The following PAPSS2 variants were observed in gnomAD, a reference collection of about 807,000 sequenced individuals.
PAPSS2 encodes the protein 3'-phosphoadenosine 5'-phosphosulfate synthase 2, also known as bifunctional 3'-phosphoadenosine 5'-phosphosulfate synthase 2.
PAPSS2 carries 61 observed loss-of-function variants against 66.5 expected under a neutral mutation model. The ratio of observed to expected loss-of-function variants is 0.92; its 90% CI spans 0.75 to 1.14. The LOEUF (loss-of-function observed/expected upper bound fraction) is 1.14, where lower values mean the gene tolerates loss of function less well. Among genes scored for constraint, PAPSS2 ranks in the 50% most tolerant of loss-of-function variants. The pLI, the probability that PAPSS2 is intolerant of heterozygous loss-of-function variation, is 0.00. For synonymous variants in PAPSS2, 289 were observed against 287.5 expected (o/e 1.01, Z -0.05); for missense variants, 708 against 789.6 (o/e 0.90, Z 1.24).
intron 12 of PAPSS2, among the ~76,000 whole-genome samples, 198 bp from the exon 13 acceptor site, chr10:87,745,634 T>C (rs895545796): frequency 6.6e-6 from 1 of 152,200 alleles, no homozygotes; most frequent in Non-Finnish European, 1.5e-5. Flanking sequence ...TATAGGCGCA[T>C]GGCAAATACT....
chr10:87,743,421 C>T lies in PAPSS2; in HGVS notation c.1271C>T (p.Ala424Val). 1 of 1,614,068 alleles carries T rather than the reference C, an allele frequency of 6.2e-7. No individual in the cohort carries two copies. Among genetic ancestry groups the T allele is most frequent in the Non-Finnish European group, 8.5e-7 (1 of 1,179,968 alleles). The change falls in exon 11 of 13, where the codon GCC becomes GTC. Residue 424 changes from alanine to valine, a missense_variant. Physicochemically the swap from Ala to Val is moderately conservative, Grantham distance 64 (BLOSUM62 0). Coordinates refer to ENST00000456849, the MANE Select transcript of PAPSS2 (RefSeq NM_001015880.2). ...CGCAATCCTGTCCACAATGGCCATG[C>T]CCTGTTGATGCAGGACACTCGCCGC... is the stretch of plus-strand genomic sequence containing the variant. ...QLRNPVHNGH[A>V]LLMQDTRRRL... is the part of the protein sequence containing the mutation.
intron 1 of PAPSS2, among the ~76,000 whole-genome samples, chr10:87,702,827 A>G (rs1853334391): frequency 6.6e-6 from 1 of 152,030 alleles, no homozygotes. Flanking sequence ...CCTCCCTTCC[A>G]TGACACTCCT....
At chr10:87,671,781 A>AAAATAC (rs1355331857) in intron 1 of PAPSS2, among the ~76,000 whole-genome samples, 1 of 152,224 alleles carries the variant, frequency 6.6e-6, no homozygotes, top group African/African-American at 2.4e-5. Flanking sequence ...AAATATAAAG[A>AAAATAC]AAATACAGAT....
At chr10:87,696,655 T>A (rs1853238507) in intron 1 of PAPSS2, among the ~76,000 whole-genome samples, 1 of 152,208 alleles carries the variant, frequency 6.6e-6, no homozygotes, top group Non-Finnish European at 1.5e-5. Flanking sequence ...CTCATATAAC[T>A]CCAAGCAATT....
At chr10:87,720,976 T>G (rs1853592250) in intron 7 of PAPSS2, among the ~76,000 whole-genome samples, 1 of 152,246 alleles carries the variant, frequency 6.6e-6, no homozygotes, top group African/African-American at 2.4e-5. Flanking sequence ...GGCATCCAAG[T>G]AGGATCAAGA....
At chr10:87,705,041 T>G (rs1283148233) in intron 1 of PAPSS2, among the ~76,000 whole-genome samples, 4 of 152,230 alleles carry the variant, frequency 2.6e-5, no homozygotes, top group Admixed American at 2.6e-4. Context: ...TGAGTTCTAA[T>G]AAATGTATAC....
intron 4 of PAPSS2, 151 bp downstream of exon 4, chr10:87,714,333 G>A (rs1319412549): frequency 1.2e-5 from 10 of 812,926 alleles, no homozygotes; most frequent in Non-Finnish European, 2.1e-5. Context: ...GATATATTCA[G>A]TATGCCCAGA....
intron 1 of PAPSS2, among the ~76,000 whole-genome samples, chr10:87,678,895 A>G (rs894416236): frequency 6.6e-6 from 1 of 152,208 alleles, no homozygotes; most frequent in African/African-American, 2.4e-5. Flanking sequence ...CTAAAAACAG[A>G]ACTATGATAC....
intron 1 of PAPSS2, among the ~76,000 whole-genome samples, chr10:87,685,449 G>A (rs115385891): frequency 0.014 from 2,136 of 152,246 alleles, 70 homozygotes; most frequent in African/African-American, 0.048. Context: ...TGGCACTTAC[G>A]GAGGACAAGG....
intron 10 of PAPSS2, among the ~76,000 whole-genome samples, chr10:87,742,394 G>A (rs1043562815): frequency 6.6e-6 from 1 of 152,132 alleles, no homozygotes; most frequent in Non-Finnish European, 1.5e-5. Context: ...TACCTCTTGG[G>A]GATGGAGTTT....
chr10:87,725,226 AC>A (rs1327442680), intron 8 of PAPSS2, among the ~76,000 whole-genome samples: 1 of 152,174 alleles, frequency 6.6e-6, no homozygotes, highest in African/African-American at 2.4e-5. Flanking sequence ...TATAACATCA[AC>A]CATCACAGTT....
chr10:87,701,323 CCTTCCTTTCTTTCTTTCTTTCTTTCTTT>C lies in PAPSS2; in HGVS notation c.28-7869_28-7842del, dbSNP rs1380160794. ...TTTTTCCTTCCTTCCTTCCTTCCTT[CCTTCCTTTCTTTCTTTCTTTCTTTCTTT>C]CTTTCTTTCTTTCTTTCTTTCTTTC... On this transcript the variant is annotated intron_variant, in intron 1 of 12. Transcript: ENST00000456849. 2.5e-4 allele frequency among the ~76,000 whole-genome samples: 21 copies of C among 84,176 alleles called. 2 individuals carry two copies. The highest frequency in any genetic ancestry group is 7.9e-4 in the African/African-American group (14 of 17,678). 55.2% of individuals were successfully genotyped at this position (84,176 alleles called of 152,430 possible).
At position 87,713,121 on chromosome 10, in the gene PAPSS2, G is replaced by A; in HGVS notation, c.192G>A (p.Glu64=). 1.2e-6 allele frequency: 2 copies of A among 1,613,406 alleles called. No individual in the cohort carries two copies. ...GKTTISFALE[E]YLVSHAIPCY... is the part of the protein sequence containing the mutation. ...CAACGATAAGTTTTGCCCTGGAGGA[G>A]TACCTTGTCTCCCATGCCATCCCTT... Residue 64 remains glutamate (E), a synonymous_variant, in exon 3 of 13, where the codon GAG becomes GAA. Coordinates refer to ENST00000456849, the MANE Select transcript of PAPSS2 (RefSeq NM_001015880.2).
chr10:87,672,563 A>C (rs534944269), intron 1 of PAPSS2, among the ~76,000 whole-genome samples: 15 of 152,182 alleles, frequency 9.9e-5, no homozygotes, highest in Non-Finnish European at 1.5e-4. Flanking sequence ...TATATCCATT[A>C]AACATAGAAA....
At chr10:87,669,903 A>C (rs1345107277) in intron 1 of PAPSS2, among the ~76,000 whole-genome samples, 1 of 152,242 alleles carries the variant, frequency 6.6e-6, no homozygotes, top group Non-Finnish European at 1.5e-5. Flanking sequence ...TAGCCAACAC[A>C]GCTAGATTAG....
chr10:87,692,543 G>A (rs1853184635), intron 1 of PAPSS2, among the ~76,000 whole-genome samples: 1 of 152,202 alleles, frequency 6.6e-6, no homozygotes, highest in Non-Finnish European at 1.5e-5. Context: ...GCTGAAGAGA[G>A]AGTTTTCCAG....
chr10:87,677,952 A>G (rs1333044045), intron 1 of PAPSS2, among the ~76,000 whole-genome samples: 2 of 152,170 alleles, frequency 1.3e-5, no homozygotes, highest in Non-Finnish European at 2.9e-5. Flanking sequence ...CATTTTAAGA[A>G]TTTATTTTAT....
chr10:87,713,246 T>TGGCTAAGCTGTTTGCTGATGC lies in PAPSS2; in HGVS notation c.318_338dup (p.Ala107_Ala113dup). 6.3e-7 allele frequency: 1 copy of TGGCTAAGCTGTTTGCTGATGC among 1,597,392 alleles called. No individual in the cohort carries two copies. Among genetic ancestry groups the TGGCTAAGCTGTTTGCTGATGC allele is most frequent in the Non-Finnish European group, 8.5e-7 (1 of 1,175,718 alleles). On this transcript the variant is annotated inframe_insertion, in exon 3 of 13. Coordinates refer to ENST00000456849, the MANE Select transcript of PAPSS2 (RefSeq NM_001015880.2). ...GAAAATATCCGCCGGATTGCTGAGG[T>TGGCTAAGCTGTTTGCTGATGC]GGCTAAGCTGTTTGCTGATGCTGGT...
At chr10:87,664,736 T>G (rs2131892378) in intron 1 of PAPSS2, among the ~76,000 whole-genome samples, 1 of 152,306 alleles carries the variant, frequency 6.6e-6, no homozygotes, top group East Asian at 1.9e-4. Context: ...TCAAAATCTA[T>G]CACTAAATAG....
Sources: gnomAD v4.1 joint callset for allele counts (sites outside exome capture counted in the v4.1 genomes callset) on GRCh38, gnomAD v4.1.1 for gene constraint, MANE v1.5 for transcripts, NCBI Gene and HGNC (gene_info 2026-07-23, HGNC 2026-07-21) for gene names.